CMSS1: variants seen among roughly 807,000 people sequenced by gnomAD.
The protein encoded by CMSS1 is protein CMSS1.
In CMSS1, 33 loss-of-function variants were observed where a neutral mutation model predicts 43.5. That is an observed-to-expected ratio of 0.76 (90% CI 0.57 to 1.01). The LOEUF (loss-of-function observed/expected upper bound fraction) is 1.01. Ranked by LOEUF, CMSS1 falls within the 50% of genes least tolerant of loss-of-function variation. The pLI is 0.00. For missense variants in CMSS1, 313 were observed against 326.4 expected (o/e 0.96, Z 0.32); for synonymous variants, 115 against 117.2 (o/e 0.98, Z 0.12).
intron 1 of CMSS1, among the ~76,000 whole-genome samples, chr3:99,912,076 A>G (rs1706807833): frequency 6.6e-6 from 1 of 152,208 alleles, no homozygotes; most frequent in African/African-American, 2.4e-5. Context: ...CTACATTATC[A>G]TCAATAGTTT....
intron 1 of CMSS1, among the ~76,000 whole-genome samples, chr3:99,982,414 A>G (rs2107734310): frequency 6.6e-6 from 1 of 152,138 alleles, no homozygotes; most frequent in South Asian, 2.1e-4. Context: ...TTCATGGCTC[A>G]AACCCATCGT....
chr3:99,856,098 GCTGCTCTGCTCTGCT>G (rs71130096), intron 1 of CMSS1, among the ~76,000 whole-genome samples: 121,322 of 151,274 alleles, frequency 0.8, 48,859 homozygotes, highest in African/African-American at 0.88. Flanking sequence ...TGCTGCTCTT[GCTGCTCTGCTCTGCT>G]CTGCTCTGCT....
intron 1 of CMSS1, among the ~76,000 whole-genome samples, chr3:100,102,856 T>C (rs1248828218): frequency 6.6e-6 from 1 of 152,220 alleles, no homozygotes; most frequent in African/African-American, 2.4e-5. Flanking sequence ...GGAGAGAGGT[T>C]TTCTGTTTAG....
At chr3:99,978,372 T>C (rs1165587043) in intron 1 of CMSS1, among the ~76,000 whole-genome samples, 3 of 152,130 alleles carry the variant, frequency 2.0e-5, no homozygotes, top group Admixed American at 6.6e-5. Flanking sequence ...AGCCAAAATA[T>C]GGAATCAACC....
At chr3:100,113,087 T>C (rs895908636) in intron 1 of CMSS1, among the ~76,000 whole-genome samples, 3 of 152,236 alleles carry the variant, frequency 2.0e-5, no homozygotes, top group Non-Finnish European at 2.9e-5. Flanking sequence ...AGTGTATGTG[T>C]TGCACCTCTT....
intron 1 of CMSS1, among the ~76,000 whole-genome samples, chr3:100,128,440 ATTG>A (rs1251872307): frequency 1.3e-5 from 2 of 152,242 alleles, no homozygotes; most frequent in African/African-American, 4.8e-5. Context: ...TGGTAGAGAG[ATTG>A]TTAATGTTTT....
intron 1 of CMSS1, among the ~76,000 whole-genome samples, chr3:99,902,133 T>C (rs913748712): frequency 5.9e-5 from 9 of 152,198 alleles, no homozygotes; most frequent in African/African-American, 1.9e-4. Context: ...GAAATATTCA[T>C]GATGTTATAT....
chr3:99,866,608 T>G (rs534912076), intron 1 of CMSS1, among the ~76,000 whole-genome samples: 19 of 152,290 alleles, frequency 1.2e-4, no homozygotes, highest in Admixed American at 9.2e-4. Context: ...TTAATACATT[T>G]AAGAGTACTT....
chr3:99,914,345 A>G (rs1706885524), intron 1 of CMSS1, among the ~76,000 whole-genome samples: 1 of 152,242 alleles, frequency 6.6e-6, no homozygotes, highest in Non-Finnish European at 1.5e-5. Flanking sequence ...TTGATAGGGA[A>G]AAGGAAATAT....
At chr3:100,106,578 G>T (rs781508514) in intron 1 of CMSS1, among the ~76,000 whole-genome samples, 22 of 152,142 alleles carry the variant, frequency 1.4e-4, no homozygotes, top group Non-Finnish European at 2.9e-4. Context: ...AGTTGAAAAA[G>T]ATCTGCCTTC....
chr3:100,021,844 TTGC>T (rs2064822781), intron 1 of CMSS1, among the ~76,000 whole-genome samples: 1 of 151,880 alleles, frequency 6.6e-6, no homozygotes. Flanking sequence ...GAACAGTGAT[TTGC>T]TGGTTAAAGG....
At position 100,181,006 on chromosome 3, in the gene CMSS1, ACAAGAGAG is replaced by A. The variant is rs2107537403; in HGVS notation, c.*2627_*2634del. ...AGGGATGCAACCACATCTTGTGGCAACAAGAGAGCAAGAGAGTGAAGGGGGAAGTGCTA... is the reference window on the plus strand; with the variant it reads ...AGGGATGCAACCACATCTTGTGGCAACAAGAGAGTGAAGGGGGAAGTGCTA... On this transcript the variant is annotated 3_prime_UTR_variant, in exon 10 of 10. Coordinates refer to ENST00000421999, the MANE Select transcript of CMSS1 (RefSeq NM_032359.4). 1 of 152,458 alleles carries A rather than the reference ACAAGAGAG, an allele frequency of 6.6e-6. No homozygotes were observed. The highest frequency in any genetic ancestry group is 2.4e-5 in the African/African-American group (1 of 41,592). The allele number at this position is 152,458 out of a possible 1,614,324, so 9.4% of individuals were successfully genotyped here.
chr3:100,009,493 A>G (rs771857569), intron 1 of CMSS1, among the ~76,000 whole-genome samples: 88 of 151,150 alleles, frequency 5.8e-4, no homozygotes, highest in Non-Finnish European at 4.8e-4. Context: ...GCACATAGGC[A>G]AGCACGGTAT....
chr3:99,991,824 GTA>G (rs1023477317), intron 1 of CMSS1, among the ~76,000 whole-genome samples: 31 of 78,992 alleles, frequency 3.9e-4, no homozygotes, highest in African/African-American at 1.3e-3. Context: ...CATGGTGTGT[GTA>G]TATATATATA....
intron 1 of CMSS1, among the ~76,000 whole-genome samples, chr3:99,985,171 T>C (rs913719235): frequency 1.4e-4 from 22 of 152,050 alleles, no homozygotes; most frequent in African/African-American, 5.3e-4. Context: ...AAAATCATCC[T>C]AGGGGGTCAA....
At chr3:100,111,844 T>G (rs1270477330) in intron 1 of CMSS1, among the ~76,000 whole-genome samples, 2 of 152,254 alleles carry the variant, frequency 1.3e-5, no homozygotes, top group African/African-American at 4.8e-5. Flanking sequence ...AAATGTGTTT[T>G]CTAATTCAAT....
intron 1 of CMSS1, among the ~76,000 whole-genome samples, chr3:99,920,049 C>A (rs894413611): frequency 3.3e-5 from 5 of 152,184 alleles, no homozygotes; most frequent in African/African-American, 1.2e-4. Flanking sequence ...TCAGTGCTAA[C>A]CTACTAGGCC....
At chr3:99,850,181 TCA>T in intron 1 of CMSS1, 1 of 1,611,398 alleles carries the variant, frequency 6.2e-7, no homozygotes, top group Admixed American at 1.7e-5. Flanking sequence ...TCTACAAACA[TCA>T]CAGTTAATGT....
At chr3:100,153,636 C>T (rs1369627689) in intron 2 of CMSS1, among the ~76,000 whole-genome samples, 1 of 152,184 alleles carries the variant, frequency 6.6e-6, no homozygotes, top group Non-Finnish European at 1.5e-5. Context: ...TGAATTGAGG[C>T]TCCACCCTTA....
Sources: gnomAD v4.1 joint callset for allele counts (sites outside exome capture counted in the v4.1 genomes callset) on GRCh38, gnomAD v4.1.1 for gene constraint, MANE v1.5 for transcripts, NCBI Gene and HGNC (gene_info 2026-07-23, HGNC 2026-07-21) for gene names.